APMAP: variants seen among roughly 807,000 people sequenced by gnomAD.
APMAP encodes the protein adipocyte plasma membrane associated protein.
APMAP carries 33 observed loss-of-function variants against 43.6 expected under a neutral mutation model. That is an observed-to-expected ratio of 0.76 (90% CI 0.57 to 1.01). The LOEUF (loss-of-function observed/expected upper bound fraction) is 1.01. APMAP is among the 50% of genes least tolerant of loss of function. APMAP has a pLI of 0.00. For missense variants in APMAP, 498 were observed against 540.7 expected (o/e 0.92, Z 0.78); for synonymous variants, 224 against 216.7 (o/e 1.03, Z -0.30).
intron 2 of APMAP, among the ~76,000 whole-genome samples, chr20:24,980,855 C>T (rs578158117): frequency 8.6e-5 from 13 of 151,616 alleles, no homozygotes; most frequent in African/African-American, 1.2e-4. Flanking sequence ...CTGCCAGCTT[C>T]GCTCGGCCTC....
intron 2 of APMAP, among the ~76,000 whole-genome samples, chr20:24,980,765 G>T (rs1034083899): frequency 5.3e-5 from 8 of 151,240 alleles, no homozygotes; most frequent in African/African-American, 1.7e-4. Flanking sequence ...TACCAGCTTC[G>T]CTCGGCCTCG....
chr20:24,973,193 T>C lies in APMAP; in HGVS notation c.421+452A>G, dbSNP rs140600781. Among the ~76,000 whole-genome samples the C allele has an allele frequency of 3.1e-3, 466 of 152,340 alleles. 4 individuals are homozygous for C. Among genetic ancestry groups the C allele is most frequent in the Non-Finnish European group, 4.9e-3 (332 of 68,028 alleles). ...TAAACAGTGAGTCTTCTACTCTAGTTTTCCAAAATTTGAATGACTTAAGGG... is the reference window on the plus strand; with the variant it reads ...TAAACAGTGAGTCTTCTACTCTAGTCTTCCAAAATTTGAATGACTTAAGGG... On this transcript the variant is annotated intron_variant, in intron 4 of 8. Coordinates refer to ENST00000217456, the MANE Select transcript of APMAP (RefSeq NM_020531.3).
intron 1 of APMAP, among the ~76,000 whole-genome samples, chr20:24,990,987 G>A (rs114986471): frequency 1.3e-5 from 2 of 152,184 alleles, no homozygotes; most frequent in Non-Finnish European, 2.9e-5. Flanking sequence ...AAAAGATCAG[G>A]CAGTAAAAGA....
intron 1 of APMAP, among the ~76,000 whole-genome samples, chr20:24,984,941 T>A (rs1423534017): frequency 2.0e-5 from 3 of 152,204 alleles, no homozygotes; most frequent in African/African-American, 4.8e-5. Context: ...AGGTAGAATT[T>A]TTTTCTTCCA....
Position 24,970,377 on chromosome 20 carries a change from G to A in APMAP, c.539-6C>T. 1 of 1,593,292 alleles carries A rather than the reference G, an allele frequency of 6.3e-7. No individual in the cohort carries two copies. The highest frequency in any genetic ancestry group is 8.6e-7 in the Non-Finnish European group (1 of 1,168,518). ...CAGCAGCAGTTTCACTTCACCTGAA[G>A]TTTAAAAAGAAAGAAAAAGATTGAC... On this transcript the variant is annotated splice_polypyrimidine_tract_variant and splice_region_variant and intron_variant, in intron 5 of 8. Coordinates refer to ENST00000217456, the MANE Select transcript of APMAP (RefSeq NM_020531.3).
intron 8 of APMAP, among the ~76,000 whole-genome samples, chr20:24,967,601 C>T (rs1387318972): frequency 6.6e-6 from 1 of 152,250 alleles, no homozygotes; most frequent in Non-Finnish European, 1.5e-5. Context: ...GGAAGAGACA[C>T]AACCACCACT....
At chr20:24,991,605 C>T (rs914175867) in intron 1 of APMAP, among the ~76,000 whole-genome samples, 2 of 152,104 alleles carry the variant, frequency 1.3e-5, no homozygotes, top group South Asian at 2.1e-4. Context: ...GGGGCAAAAA[C>T]TGCCTCTCAT....
Position 24,963,455 on chromosome 20 carries a change from T to G in APMAP, c.*358A>C, listed in dbSNP as rs1160267247. ...GACAGGGCCGCAGCAGCAAGCTCTC[T>G]GGGTAGTGCCTTACTGCTCCACCCA... On this transcript the variant is annotated 3_prime_UTR_variant, in exon 9 of 9. Coordinates refer to ENST00000217456, the MANE Select transcript of APMAP (RefSeq NM_020531.3). 7.5e-6 allele frequency: 2 copies of G among 268,360 alleles called. No individual in the cohort carries two copies. Among genetic ancestry groups the G allele is most frequent in the East Asian group, 1.9e-4 (2 of 10,378 alleles). The allele number at this position is 268,360 out of a possible 1,614,324, so 16.6% of individuals were successfully genotyped here.
intron 8 of APMAP, among the ~76,000 whole-genome samples, chr20:24,966,662 G>A (rs1163203623): frequency 6.6e-6 from 1 of 152,192 alleles, no homozygotes; most frequent in Non-Finnish European, 1.5e-5. Context: ...TTCAAAAAAA[G>A]ACAGGAGCTG....
intron 8 of APMAP, among the ~76,000 whole-genome samples, chr20:24,967,127 C>T (rs370628331): frequency 2.6e-5 from 4 of 152,132 alleles, no homozygotes; most frequent in East Asian, 3.9e-4. Flanking sequence ...AAACTCGTCT[C>T]TATTAAAAAT....
At chr20:24,975,918 T>C (rs1007249771) in intron 3 of APMAP, among the ~76,000 whole-genome samples, 1 of 152,178 alleles carries the variant, frequency 6.6e-6, no homozygotes, top group Admixed American at 6.5e-5. Context: ...GTAAAGGCAA[T>C]GCATAATGGA....
chr20:24,970,636 G>GC, intron 5 of APMAP, among the ~76,000 whole-genome samples: 1 of 152,266 alleles, frequency 6.6e-6, no homozygotes, highest in East Asian at 1.9e-4. Context: ...AACATCTACT[G>GC]CAAGTGTTAG....
intron 5 of APMAP, 145 bp from the exon 6 acceptor site, chr20:24,970,516 A>T (rs748509412): frequency 2.6e-6 from 2 of 771,146 alleles, no homozygotes; most frequent in Non-Finnish European, 4.0e-6. Context: ...TTCTTATAGT[A>T]AAAACAGTAT....
In APMAP at chr20:24,963,749, C is replaced by T; in HGVS notation, c.*64G>A. On this transcript the variant is annotated 3_prime_UTR_variant, in exon 9 of 9. Transcript: ENST00000217456. The stretch of plus-strand genomic sequence containing the variant: ...GACTGTGTCCACAGCTCCTCCTGGA[C>T]CAGGCCTGGTGCCTGAGTGTGAAGA... 2.6e-6 allele frequency: 4 copies of T among 1,513,654 alleles called. No individual in the cohort carries two copies. The highest frequency in any genetic ancestry group is 3.6e-6 in the Non-Finnish European group (4 of 1,096,552). 93.8% of individuals were successfully genotyped at this position (1,513,654 alleles called of 1,614,324 possible). A position where few individuals can be genotyped will look rare whatever the true frequency, so the allele number is the denominator to read the frequency against.
At chr20:24,972,908 G>T (rs1419040731) in intron 4 of APMAP, among the ~76,000 whole-genome samples, 1 of 152,174 alleles carries the variant, frequency 6.6e-6, no homozygotes, top group African/African-American at 2.4e-5. Context: ...TGCCAAAATG[G>T]CACGGAAAAA....
At chr20:24,990,420 T>G (rs62215129) in intron 1 of APMAP, among the ~76,000 whole-genome samples, 7,960 of 152,234 alleles carry the variant, frequency 0.052, 285 homozygotes, top group Middle Eastern at 0.092. Context: ...ACCTCAATGA[T>G]CTCATCAGCA....
chr20:24,971,672 T>A, intron 4 of APMAP, 96 bp from the exon 5 acceptor site: 1 of 1,015,014 alleles, frequency 9.9e-7, no homozygotes, highest in East Asian at 2.4e-5. Context: ...TTCCCATACA[T>A]CATGCTGTAC....
chr20:24,973,825 A>G, intron 3 of APMAP, 88 bp from the exon 4 acceptor site: 3 of 1,133,786 alleles, frequency 2.6e-6, no homozygotes, highest in Admixed American at 3.7e-5. Context: ...GCTTGTTTAC[A>G]TGTTCCCCCT....
chr20:24,964,260 C>A, intron 8 of APMAP: 1 of 671,162 alleles, frequency 1.5e-6, no homozygotes, highest in East Asian at 3.0e-5. Context: ...GGCTCCCCAG[C>A]ACAAGGACAG....
Sources: allele counts gnomAD v4.1 joint callset (sites outside exome capture counted in the v4.1 genomes callset), GRCh38; gene constraint gnomAD v4.1.1; transcripts MANE v1.5; gene names NCBI Gene and HGNC (gene_info 2026-07-23, HGNC 2026-07-21).